Variants in PPARGC1B observed in about 807,000 individuals in gnomAD.
The protein encoded by PPARGC1B is peroxisome proliferator-activated receptor gamma coactivator 1-beta.
Under a neutral mutation model 101.6 loss-of-function variants are expected in PPARGC1B, and 34 were observed. The observed-to-expected ratio is 0.33, with a 90% CI of 0.25 to 0.45. The LOEUF (loss-of-function observed/expected upper bound fraction) is 0.45. Ranked by LOEUF, PPARGC1B falls within the 20% of genes least tolerant of loss-of-function variation. PPARGC1B has a pLI of 1.00. For missense variants in PPARGC1B, 1,234 were observed against 1,317.6 expected, an observed-to-expected ratio of 0.94 and a Z score of 0.98; for synonymous variants, 548 against 539.3, an observed-to-expected ratio of 1.02 and a Z score of -0.22.
At chr5:149,831,252 C>T (rs1758773092) in intron 4 of PPARGC1B, among the ~76,000 whole-genome samples, 1 of 152,164 alleles carries the variant, frequency 6.6e-6, no homozygotes, top group Admixed American at 6.5e-5. Context: ...TTTTTCCCCC[C>T]TCAGGGAGCC....
intron 1 of PPARGC1B, among the ~76,000 whole-genome samples, chr5:149,778,003 T>G (rs1281594138): frequency 3.5e-5 from 1 of 28,362 alleles, no homozygotes; most frequent in Non-Finnish European, 6.0e-5. Context: ...GTGCCCCCCT[T>G]CCCCCCCCCA....
In PPARGC1B at chr5:149,836,858, G is replaced by A. The variant is rs1182587523; in HGVS notation, c.2403G>A (p.Glu801=). ...VFEDSSSSSG[E]SSFLPEEEEE... ...AAGACAGCAGCAGCAGCAGCGGCGA[G>A]AGCAGCTTCCTCCCAGAGGAGGAAG... Residue 801 remains glutamate (E), a synonymous_variant, in exon 8 of 12, where the codon GAG becomes GAA. Transcript: ENST00000309241. 2 of 1,612,970 alleles carry A rather than the reference G, an allele frequency of 1.2e-6. No individual in the cohort carries two copies. Among genetic ancestry groups the A allele is most frequent in the Non-Finnish European group, 1.7e-6 (2 of 1,180,028 alleles).
rs568607756 is a variant in PPARGC1B, at chr5:149,832,123, G to A, written c.583-533G>A. On this transcript the variant is annotated intron_variant, in intron 4 of 11. Transcript: ENST00000309241. This position sits in a 1 kb window ranked among gnomAD's most constrained non-coding sequence, Gnocchi z 4.9. ...GGAGTTCAAGACCAGCCTGGCCAAC[G>A]TGGTGAAACCTTGTCTCTACTAAAA... 2.0e-4 allele frequency among the ~76,000 whole-genome samples: 30 copies of A among 152,050 alleles called. No homozygotes were observed. Among genetic ancestry groups the A allele is most frequent in the African/African-American group, 7.2e-4 (30 of 41,458 alleles).
chr5:149,750,140 A>G (rs1486174149), intron 1 of PPARGC1B, among the ~76,000 whole-genome samples: 7 of 152,064 alleles, frequency 4.6e-5, no homozygotes, highest in Non-Finnish European at 8.8e-5. Flanking sequence ...TGTGCCTTAA[A>G]CGAGTGGGTT....
At chr5:149,797,585 G>C (rs996246032) in intron 1 of PPARGC1B, among the ~76,000 whole-genome samples, 2 of 152,134 alleles carry the variant, frequency 1.3e-5, no homozygotes, top group Non-Finnish European at 2.9e-5. Context: ...TATTTTGATA[G>C]TATTGGTTTT....
chr5:149,834,969 C>A (rs917751526), intron 6 of PPARGC1B, among the ~76,000 whole-genome samples: 3 of 152,234 alleles, frequency 2.0e-5, no homozygotes, highest in African/African-American at 4.8e-5. Context: ...GAAAAGAGTT[C>A]TTTTCTGACA....
intron 1 of PPARGC1B, chr5:149,761,414 A>G (rs1251500364): frequency 6.6e-6 from 1 of 151,802 alleles, no homozygotes; most frequent in East Asian, 1.9e-4. Context: ...ACACCTCCCC[A>G]TTTCCTCTGT....
At chr5:149,817,075 C>T (rs4705385) in intron 1 of PPARGC1B, among the ~76,000 whole-genome samples, 13,478 of 152,218 alleles carry the variant, frequency 0.089, 843 homozygotes, top group Admixed American at 0.16. Context: ...ACCTCAACGC[C>T]TTGTGCCTTG....
At position 149,830,053 on chromosome 5, in the gene PPARGC1B, A is replaced by G. The variant is rs868093587; in HGVS notation, c.466-714A>G. Among the ~76,000 whole-genome samples the G allele has an allele frequency of 1.5e-4, 16 of 107,604 alleles. No individual in the cohort carries two copies. The Middle Eastern group carries it at 0.013, about 89-fold the overall frequency. The allele number at this position is 107,604 out of a possible 152,430, so 70.6% of individuals were successfully genotyped here. A position where few individuals can be genotyped will look rare whatever the true frequency, so the allele number is the denominator to read the frequency against. Reference sequence around the variant, plus strand: ...CTCAAAAAAAAAAAAAAAAAAAAAAAAGAAAAAAAAAAAAAAACAGGGTGG... The same window carrying G: ...CTCAAAAAAAAAAAAAAAAAAAAAAGAGAAAAAAAAAAAAAAACAGGGTGG... On this transcript the variant is annotated intron_variant, in intron 3 of 11. Transcript: ENST00000309241.
chr5:149,759,652 C>T lies in PPARGC1B; in HGVS notation c.78+29232C>T, dbSNP rs185455201. Among the ~76,000 whole-genome samples the T allele has an allele frequency of 4.5e-3, 690 of 152,322 alleles. 5 individuals are homozygous for T. The highest frequency in any genetic ancestry group is 6.9e-3 in the Non-Finnish European group (467 of 68,032). ...GGGTTGGTTCATTGCAAAGATGGAGCTCCTCCGGCTCCTTCCCTCATCCTC... is the reference window on the plus strand; with the variant it reads ...GGGTTGGTTCATTGCAAAGATGGAGTTCCTCCGGCTCCTTCCCTCATCCTC... On this transcript the variant is annotated intron_variant, in intron 1 of 11. Coordinates refer to ENST00000309241, the MANE Select transcript of PPARGC1B (RefSeq NM_133263.4).
chr5:149,797,733 C>T (rs985362361), intron 1 of PPARGC1B, among the ~76,000 whole-genome samples: 3 of 152,140 alleles, frequency 2.0e-5, no homozygotes, highest in Non-Finnish European at 4.4e-5. Context: ...CCAGCCTGGC[C>T]AACATGGTGA....
At chr5:149,819,289 G>C (rs1348581981) in intron 1 of PPARGC1B, among the ~76,000 whole-genome samples, 1 of 152,144 alleles carries the variant, frequency 6.6e-6, no homozygotes, top group Non-Finnish European at 1.5e-5. Flanking sequence ...ATCTTTTCCT[G>C]TGTGTTTGCA....
At chr5:149,770,310 A>T (rs1006586168) in intron 1 of PPARGC1B, among the ~76,000 whole-genome samples, 1 of 152,150 alleles carries the variant, frequency 6.6e-6, no homozygotes, top group Non-Finnish European at 1.5e-5. Context: ...ATTCAAGTTT[A>T]AAAAAAGGCG....
chr5:149,838,603 T>G (rs1459771039), intron 8 of PPARGC1B, among the ~76,000 whole-genome samples: 2 of 152,234 alleles, frequency 1.3e-5, no homozygotes, highest in Non-Finnish European at 2.9e-5. Context: ...CTGGTCTCCT[T>G]TCTCTCCTGC....
intron 1 of PPARGC1B, 51 bp from the exon 2 acceptor site, chr5:149,820,382 G>A: frequency 6.4e-7 from 1 of 1,570,016 alleles, no homozygotes; most frequent in Non-Finnish European, 8.7e-7. Context: ...CCCCTGCTTG[G>A]GTCTAGCCAG....
intron 2 of PPARGC1B, among the ~76,000 whole-genome samples, chr5:149,820,898 T>A (rs1454878741): frequency 6.6e-6 from 1 of 152,050 alleles, no homozygotes; most frequent in Non-Finnish European, 1.5e-5. Flanking sequence ...GAGGTCCAAG[T>A]CCTCTGTTCC....
intron 8 of PPARGC1B, among the ~76,000 whole-genome samples, chr5:149,838,816 G>A (rs1759217379): frequency 6.6e-6 from 1 of 152,142 alleles, no homozygotes; most frequent in South Asian, 2.1e-4. Context: ...TCAGTACCTG[G>A]TAAACCTGGT....
intron 7 of PPARGC1B, among the ~76,000 whole-genome samples, chr5:149,835,964 T>C (rs913678069): frequency 1.3e-5 from 2 of 150,916 alleles, no homozygotes; most frequent in Admixed American, 1.3e-4. Context: ...TTTTCTTTTT[T>C]TTTTTTTTTT....
chr5:149,804,700 G>T (rs187186721), intron 1 of PPARGC1B, among the ~76,000 whole-genome samples: 2 of 152,142 alleles, frequency 1.3e-5, no homozygotes, highest in South Asian at 4.1e-4. Flanking sequence ...CCACAGTGAT[G>T]TAATCCCCGT....
Sources: allele counts gnomAD v4.1 joint callset (sites outside exome capture counted in the v4.1 genomes callset), GRCh38; gene constraint gnomAD v4.1.1; non-coding constraint Gnocchi (gnomAD v3.1); transcripts MANE v1.5; gene names NCBI Gene and HGNC (gene_info 2026-07-23, HGNC 2026-07-21).